The following FADS1 variants were observed in gnomAD, a reference collection of about 807,000 sequenced individuals.
FADS1 encodes the protein acyl-CoA (8-3)-desaturase.
In FADS1, 17 loss-of-function variants were observed where a neutral mutation model predicts 61.6. That is an observed-to-expected ratio of 0.28 (90% CI 0.19 to 0.41). The LOEUF is 0.41. Ranked by LOEUF, FADS1 falls within the 10% of genes least tolerant of loss-of-function variation. The pLI is 1.00. For synonymous variants in FADS1, 238 were observed against 258.7 expected (o/e 0.92, Z 0.77); for missense variants, 387 against 650.9 (o/e 0.59, Z 4.41).
rs1367565939 is a variant in FADS1, at chr11:61,802,225, C to T, written c.*186G>A. ...CCCTCCTAGGGACTTCTGTGTCCAC[C>T]CCCCACTTTGGGTCTTAGAACTGTG... On this transcript the variant is annotated 3_prime_UTR_variant, in exon 12 of 12. Transcript: ENST00000350997. This position sits in a 1 kb window ranked among gnomAD's most constrained non-coding sequence, Gnocchi z 4.2. The T allele has an allele frequency of 3.3e-6, 2 of 611,314 alleles. No homozygotes were observed. Among genetic ancestry groups the T allele is most frequent in the African/African-American group, 1.8e-5 (1 of 54,284 alleles). 37.9% of individuals were successfully genotyped at this position (611,314 alleles called of 1,614,324 possible).
Position 61,816,380 on chromosome 11 carries a change from C to T in FADS1, c.375+175G>A. 1 of 1,598,502 alleles carries T rather than the reference C, an allele frequency of 6.3e-7. No individual in the cohort carries two copies. Among genetic ancestry groups the T allele is most frequent in the South Asian group, 1.1e-5 (1 of 91,090 alleles). On this transcript the variant is annotated intron_variant, in intron 1 of 11. Coordinates refer to ENST00000350997, the MANE Select transcript of FADS1 (RefSeq NM_013402.7). The surrounding 1 kb of genome is among the most constrained non-coding windows in gnomAD (Gnocchi z 7.0). The stretch of plus-strand genomic sequence containing the variant: ...ACTCCACTTCTCCAGGCCTCTCTCC[C>T]GCCTTTTCATCCCGCATCCGCAGGA...
At chr11:61,811,299 G>A (rs1292389550) in intron 3 of FADS1, among the ~76,000 whole-genome samples, 1 of 151,992 alleles carries the variant, frequency 6.6e-6, no homozygotes, top group African/African-American at 2.4e-5. Context: ...CGCCAGCTCC[G>A]AAGCTCATGA....
At chr11:61,808,028 A>G (rs990895479) in intron 5 of FADS1, among the ~76,000 whole-genome samples, 1 of 152,192 alleles carries the variant, frequency 6.6e-6, no homozygotes, top group African/African-American at 2.4e-5. Context: ...TTAGGGGATG[A>G]AGCTGGTGAT....
Position 61,816,780 on chromosome 11 carries a change from CGCCGGGCCAGCAGGGGCT to C in FADS1, c.132_149del (p.Ala45_Ala50del), listed in dbSNP as rs2066988964. Reference sequence around the variant, plus strand: ...CCATAGCTGGCCTGGCGACGCCGCGCGCCGGGCCAGCAGGGGCTGTCAGGCGCGTGCTCGGGGTCCGCG... The same window carrying C: ...CCATAGCTGGCCTGGCGACGCCGCGCGTCAGGCGCGTGCTCGGGGTCCGCG... On this transcript the variant is annotated inframe_deletion, in exon 1 of 12. Transcript: ENST00000350997. The surrounding 1 kb of genome is among the most constrained non-coding windows in gnomAD (Gnocchi z 7.0). The C allele has an allele frequency of 1.2e-5, 18 of 1,519,630 alleles. No individual in the cohort carries two copies. Among genetic ancestry groups the C allele is most frequent in the Non-Finnish European group, 1.5e-5 (17 of 1,139,454 alleles). 94.1% of individuals were successfully genotyped at this position (1,519,630 alleles called of 1,614,324 possible).
In FADS1 at chr11:61,802,548, T is replaced by C; in HGVS notation, c.1455-86A>G. The C allele has an allele frequency of 7.4e-7, 1 of 1,350,290 alleles. No homozygotes were observed. The highest frequency in any genetic ancestry group is 1.0e-6 in the Non-Finnish European group (1 of 965,560). 83.6% of individuals were successfully genotyped at this position (1,350,290 alleles called of 1,614,324 possible). On this transcript the variant is annotated intron_variant, in intron 11 of 11. Coordinates refer to ENST00000350997, the MANE Select transcript of FADS1 (RefSeq NM_013402.7). The surrounding 1 kb of genome is among the most constrained non-coding windows in gnomAD (Gnocchi z 4.2). ...ATGGAGCAGTGAGGTTAAGGCCTTC[T>C]TCCATCTGGAGGTTTTCCTCCCCTC...
Position 61,816,448 on chromosome 11 carries a change from C to T in FADS1, c.375+107G>A. 6.3e-7 allele frequency: 1 copy of T among 1,599,762 alleles called. No homozygotes were observed. The highest frequency in any genetic ancestry group is 1.3e-5 in the African/African-American group (1 of 75,062). The stretch of plus-strand genomic sequence containing the variant: ...ACAGGTATGATCAGGCGCCTCCGGG[C>T]TTTCCTCCGAATTAGTCGGTGTTTG... On this transcript the variant is annotated intron_variant, in intron 1 of 11. Transcript: ENST00000350997. This position sits in a 1 kb window ranked among gnomAD's most constrained non-coding sequence, Gnocchi z 7.0.
chr11:61,802,193 G>A lies in FADS1; in HGVS notation c.*218C>T. 1.7e-6 allele frequency: 1 copy of A among 576,510 alleles called. No individual in the cohort carries two copies. The highest frequency in any genetic ancestry group is 3.1e-6 in the Non-Finnish European group (1 of 321,894). 35.7% of individuals were successfully genotyped at this position (576,510 alleles called of 1,614,324 possible). ...AATAATTTACACCCCTGCCCCAACA[G>A]CTCCTTCCCTCCTAGGGACTTCTGT... On this transcript the variant is annotated 3_prime_UTR_variant, in exon 12 of 12. Coordinates refer to ENST00000350997, the MANE Select transcript of FADS1 (RefSeq NM_013402.7). This position sits in a 1 kb window ranked among gnomAD's most constrained non-coding sequence, Gnocchi z 4.2.
chr11:61,807,785 G>T (rs970228972), intron 5 of FADS1, among the ~76,000 whole-genome samples: 12 of 152,124 alleles, frequency 7.9e-5, no homozygotes, highest in African/African-American at 2.9e-4. Flanking sequence ...CAACCACAAG[G>T]GCACAAGAGG....
chr11:61,802,846 T>A lies in FADS1; in HGVS notation c.1409A>T (p.Glu470Val). 1 of 1,614,192 alleles carries A rather than the reference T, an allele frequency of 6.2e-7. No homozygotes were observed. Among genetic ancestry groups the A allele is most frequent in the Non-Finnish European group, 8.5e-7 (1 of 1,180,030 alleles). ...VQSLCAKHGI[E>V]YQSKPLLSAF... is the part of the protein sequence containing the mutation. ...TGACAGCAGGGGCTTGGACTGGTAC[T>A]CTATGCCATGCTTGGCACACAAGGA... The change falls in exon 11 of 12, where the codon GAG becomes GTG. Residue 470 changes from glutamate (E) to valine (V), a missense_variant. Physicochemically the swap from Glu to Val is moderately radical, Grantham distance 121. Around this residue, in one of 2 missense-constraint regions of FADS1, gnomAD observed 257 missense variants for 533.3 expected, o/e 0.48. Coordinates refer to ENST00000350997, the MANE Select transcript of FADS1 (RefSeq NM_013402.7). The surrounding 1 kb of genome is among the most constrained non-coding windows in gnomAD (Gnocchi z 4.2).
At chr11:61,809,986 G>T (rs145749243) in intron 5 of FADS1, among the ~76,000 whole-genome samples, 3 of 152,102 alleles carry the variant, frequency 2.0e-5, no homozygotes, top group South Asian at 2.1e-4. Flanking sequence ...TTAATTCCTC[G>T]CAAGCTGAAA....
rs913852605 is a variant in FADS1, at chr11:61,816,253, C to T, written c.375+302G>A. On this transcript the variant is annotated intron_variant, in intron 1 of 11. Coordinates refer to ENST00000350997, the MANE Select transcript of FADS1 (RefSeq NM_013402.7). The surrounding 1 kb of genome is among the most constrained non-coding windows in gnomAD (Gnocchi z 7.0). Reference sequence around the variant, plus strand: ...TACCCAGCTCGGGGTTCTGTCCCCGCCCAGAGACCTGAGGCTCGGGGCTGC... The same window carrying T: ...TACCCAGCTCGGGGTTCTGTCCCCGTCCAGAGACCTGAGGCTCGGGGCTGC... The T allele has an allele frequency of 8.1e-6, 13 of 1,597,492 alleles. No individual in the cohort carries two copies. The highest frequency in any genetic ancestry group is 1.3e-5 in the African/African-American group (1 of 74,906).
chr11:61,812,229 A>G (rs1317422688), intron 3 of FADS1, among the ~76,000 whole-genome samples: 1 of 152,242 alleles, frequency 6.6e-6, no homozygotes, highest in Admixed American at 6.5e-5. Context: ...AACAAACCGC[A>G]TAGGAAGAAG....
intron 5 of FADS1, 85 bp downstream of exon 5, chr11:61,810,666 G>T: frequency 6.5e-7 from 1 of 1,531,780 alleles, no homozygotes; most frequent in South Asian, 1.2e-5. Context: ...TGCCCACACT[G>T]ACAACATCGT....
rs747796745 is a variant in FADS1 at position 61,802,775 on chromosome 11, C to T, written c.1454+26G>A. The T allele has an allele frequency of 1.9e-6, 3 of 1,613,902 alleles. No homozygotes were observed. The East Asian group carries it at 6.7e-5, about 36-fold the overall frequency. On this transcript the variant is annotated intron_variant, in intron 11 of 11. Coordinates refer to ENST00000350997, the MANE Select transcript of FADS1 (RefSeq NM_013402.7). The surrounding 1 kb of genome is among the most constrained non-coding windows in gnomAD (Gnocchi z 4.2). ...CCCTGCCCTCTTCCCTCCCTACTAG[C>T]CATCTTCCTGGTCTCAGATACTCAC...
intron 3 of FADS1, 139 bp from the exon 4 acceptor site, chr11:61,811,214 G>A: frequency 7.8e-6 from 5 of 640,162 alleles, no homozygotes; most frequent in Non-Finnish European, 1.4e-5. Context: ...GGAAACATGG[G>A]TCCTAGTTCT....
chr11:61,804,852 G>C, intron 6 of FADS1, 91 bp from the exon 7 acceptor site: 1 of 1,091,372 alleles, frequency 9.2e-7, no homozygotes, highest in Non-Finnish European at 1.4e-6. Context: ...CTCTAGCAGG[G>C]GGCTGCCTCT....
intron 5 of FADS1, among the ~76,000 whole-genome samples, chr11:61,807,124 A>G (rs561922667): frequency 2.8e-4 from 42 of 152,172 alleles, no homozygotes; most frequent in Admixed American, 9.2e-4. Context: ...CTGGAGTGCA[A>G]TGGCACGATC....
intron 5 of FADS1, among the ~76,000 whole-genome samples, chr11:61,808,311 G>A (rs1184520638): frequency 4.0e-5 from 6 of 151,492 alleles, no homozygotes; most frequent in Admixed American, 2.0e-4. Flanking sequence ...ACTTCAGCCT[G>A]GGTGACAGAG....
intron 5 of FADS1, among the ~76,000 whole-genome samples, chr11:61,809,499 C>T (rs969658974): frequency 7.2e-5 from 11 of 152,270 alleles, no homozygotes; most frequent in South Asian, 2.1e-4. Context: ...ATGCCAACTG[C>T]GTCCCTTCAT....
Sources: allele counts gnomAD v4.1 joint callset (sites outside exome capture counted in the v4.1 genomes callset), GRCh38; gene constraint gnomAD v4.1.1; regional missense constraint gnomAD v4.1.1; non-coding constraint Gnocchi (gnomAD v3.1); transcripts MANE v1.5; gene names NCBI Gene and HGNC (gene_info 2026-07-23, HGNC 2026-07-21).